The following PCDHGA7 variants were observed in gnomAD, a reference collection of about 807,000 sequenced individuals.
PCDHGA7 encodes protocadherin gamma-A7.
PCDHGA7 carries 44 observed loss-of-function variants against 58.3 expected under a neutral mutation model. That is an observed-to-expected ratio of 0.75 (90% confidence interval 0.59 to 0.97). The LOEUF is 0.97. Among genes scored for constraint, PCDHGA7 ranks in the 50% least tolerant of loss-of-function variants. The probability of loss-of-function intolerance (pLI) is 0.00; values close to 1 mark genes in which losing one functional copy is unlikely to be tolerated. For missense variants in PCDHGA7, 1,266 were observed against 1,188.7 expected, an observed-to-expected ratio of 1.06 and a Z score of -0.96; for synonymous variants, 516 against 504.2, an observed-to-expected ratio of 1.02 and a Z score of -0.31.
chr5:141,437,892 C>A (rs2097916583), intron 1 of PCDHGA7, among the ~76,000 whole-genome samples: 2 of 152,116 alleles, frequency 1.3e-5, no homozygotes, highest in Admixed American at 1.3e-4. Context: ...CACACGCCAC[C>A]ACACCCAGCT....
chr5:141,484,697 T>C (rs746981788), intron 1 of PCDHGA7, among the ~76,000 whole-genome samples: 11 of 151,988 alleles, frequency 7.2e-5, no homozygotes, highest in Non-Finnish European at 1.3e-4. Context: ...AGGCTGTGGC[T>C]GTTTTCCCCG....
intron 1 of PCDHGA7, chr5:141,388,422 C>T (rs68033444): frequency 0.056 from 89,796 of 1,613,752 alleles, 3,047 homozygotes; most frequent in African/African-American, 0.15. Flanking sequence ...TCATTTCTCA[C>T]TGATAAATAA....
chr5:141,422,910 C>T (rs756589496), intron 1 of PCDHGA7: 2 of 1,614,252 alleles, frequency 1.2e-6, no homozygotes, highest in South Asian at 1.1e-5. Context: ...ACAATGCGCC[C>T]GAGATCCTGT....
intron 2 of PCDHGA7, among the ~76,000 whole-genome samples, chr5:141,500,182 A>T (rs1050067271): frequency 4.6e-5 from 6 of 131,718 alleles, no homozygotes; most frequent in African/African-American, 1.9e-4. Context: ...CTTCATTTTT[A>T]TTTTTATTTA....
At position 141,384,693 on chromosome 5, in the gene PCDHGA7, A is replaced by G. The variant is rs1345115245; in HGVS notation, c.1794A>G (p.Ser598=). ...VTKVVAVDKD[S]GQNAWLSYLL... ...AGGTGGTGGCGGTGGACAAAGATTC[A>G]GGCCAGAACGCCTGGCTGTCATACC... Residue 598 remains serine (S), a synonymous_variant, in exon 1 of 4, where the codon TCA becomes TCG. Transcript: ENST00000518325. 5 of 1,614,042 alleles carry G rather than the reference A, an allele frequency of 3.1e-6. No individual in the cohort carries two copies. Among genetic ancestry groups the G allele is most frequent in the Non-Finnish European group, 4.2e-6 (5 of 1,180,002 alleles).
chr5:141,433,017 A>T, intron 1 of PCDHGA7: 1 of 1,614,124 alleles, frequency 6.2e-7, no homozygotes, highest in Non-Finnish European at 8.5e-7. Flanking sequence ...CTGCAGACCT[A>T]TTCCCACGAG....
rs768907590 is a variant in PCDHGA7, at chr5:141,422,045, G to C, written c.2424+36722G>C. Reference sequence around the variant, plus strand: ...GTTAATGCAACGGATCCAGACGAGGGAATCAACGGGGAAGTAATGTATTCA... The same window carrying C: ...GTTAATGCAACGGATCCAGACGAGGCAATCAACGGGGAAGTAATGTATTCA... On this transcript the variant is annotated intron_variant, in intron 1 of 3. Transcript: ENST00000518325. 1.5e-5 allele frequency: 24 copies of C among 1,611,434 alleles called. No individual in the cohort carries two copies. The Admixed American group carries it at 3.9e-4, about 26-fold the overall frequency.
chr5:141,400,561 A>G, intron 1 of PCDHGA7: 1 of 1,612,992 alleles, frequency 6.2e-7, no homozygotes, highest in Non-Finnish European at 8.5e-7. Flanking sequence ...TTCATTACCC[A>G]CCCAATTTTC....
At chr5:141,443,751 A>C (rs1372334547) in intron 1 of PCDHGA7, among the ~76,000 whole-genome samples, 3 of 152,230 alleles carry the variant, frequency 2.0e-5, no homozygotes, top group African/African-American at 7.2e-5. Context: ...GTGAATTGGA[A>C]GCTTACAATA....
At chr5:141,413,767 C>A in intron 1 of PCDHGA7, 1 of 1,612,972 alleles carries the variant, frequency 6.2e-7, no homozygotes, top group South Asian at 1.1e-5. Flanking sequence ...GTACCCGGAG[C>A]TGGTACTGGA....
rs375404779 is a variant in PCDHGA7 at position 141,419,760 on chromosome 5, A to T, written c.2424+34437A>T. 11 of 1,613,876 alleles carry T rather than the reference A, an allele frequency of 6.8e-6. No homozygotes were observed. The highest frequency in any genetic ancestry group is 9.3e-6 in the Non-Finnish European group (11 of 1,179,904). On this transcript the variant is annotated intron_variant, in intron 1 of 3. Coordinates refer to ENST00000518325, the MANE Select transcript of PCDHGA7 (RefSeq NM_018920.4). ...GTGCGCATGGTGCGTGCTTTGGGTG[A>T]CAAGGACTCGGTCCGCCAGCGCCTG...
intron 1 of PCDHGA7, chr5:141,484,855 G>T (rs1178318896): frequency 3.9e-6 from 1 of 257,336 alleles, no homozygotes; most frequent in East Asian, 8.3e-5. Context: ...GTTTTTTGGG[G>T]GGTGGGGGAG....
At chr5:141,438,548 C>T (rs1423036586) in intron 1 of PCDHGA7, among the ~76,000 whole-genome samples, 2 of 135,792 alleles carry the variant, frequency 1.5e-5, no homozygotes, top group Non-Finnish European at 3.1e-5. Context: ...ATATCTAAGC[C>T]CTAATAAGAG....
intron 1 of PCDHGA7, among the ~76,000 whole-genome samples, chr5:141,429,527 T>TA (rs1321273157): frequency 1.3e-5 from 2 of 152,038 alleles, no homozygotes; most frequent in African/African-American, 4.8e-5. Flanking sequence ...GAAAAAAGCT[T>TA]AAAAAAATAA....
chr5:141,499,174 C>T (rs930279867), intron 2 of PCDHGA7, among the ~76,000 whole-genome samples: 20 of 152,198 alleles, frequency 1.3e-4, no homozygotes, highest in Middle Eastern at 3.4e-3. Flanking sequence ...AGCTCTGAGC[C>T]CAGCAAACCA....
Position 141,491,094 on chromosome 5 carries a change from G to T in PCDHGA7, c.2425-3713G>T. ...TGCCACAGTCCACAGCCCCAGGACT[G>T]TTCCTCGTGTCTACACACACTGGTG... On this transcript the variant is annotated intron_variant, in intron 1 of 3. Transcript: ENST00000518325. This position sits in a 1 kb window ranked among gnomAD's most constrained non-coding sequence, Gnocchi z 6.9. The T allele has an allele frequency of 6.2e-7, 1 of 1,614,202 alleles. No homozygotes were observed. The highest frequency in any genetic ancestry group is 1.1e-5 in the South Asian group (1 of 91,086).
chr5:141,477,611 C>T lies in PCDHGA7; in HGVS notation c.2425-17196C>T. On this transcript the variant is annotated intron_variant, in intron 1 of 3. Coordinates refer to ENST00000518325, the MANE Select transcript of PCDHGA7 (RefSeq NM_018920.4). This position sits in a 1 kb window ranked among gnomAD's most constrained non-coding sequence, Gnocchi z 4.9. ...TCGGCTTTCTTTCTTTCTCTTGGAG[C>T]AAGGAGCTGAAACCGGGCTAGTGGG... is the stretch of plus-strand genomic sequence containing the variant. The T allele has an allele frequency of 6.2e-7, 1 of 1,614,188 alleles. No homozygotes were observed. The highest frequency in any genetic ancestry group is 8.5e-7 in the Non-Finnish European group (1 of 1,180,036).
At position 141,486,028 on chromosome 5, in the gene PCDHGA7, C is replaced by T; in HGVS notation, c.2425-8779C>T. On this transcript the variant is annotated intron_variant, in intron 1 of 3. Transcript: ENST00000518325. This position sits in a 1 kb window ranked among gnomAD's most constrained non-coding sequence, Gnocchi z 5.0. ...TCACCTTTTATTTCAGTGGTCATAC[C>T]CCTGATCGTGTAAGAAACCTCTTTA... The T allele has an allele frequency of 6.2e-7, 1 of 1,614,134 alleles. No individual in the cohort carries two copies. Among genetic ancestry groups the T allele is most frequent in the Non-Finnish European group, 8.5e-7 (1 of 1,180,020 alleles).
chr5:141,496,932 T>G (rs1336402833), intron 2 of PCDHGA7, among the ~76,000 whole-genome samples: 1 of 148,964 alleles, frequency 6.7e-6, no homozygotes, highest in Non-Finnish European at 1.5e-5. Context: ...ACGCCTGTAA[T>G]CCCAGCACTT....
Sources: allele counts gnomAD v4.1 joint callset (sites outside exome capture counted in the v4.1 genomes callset), GRCh38; gene constraint gnomAD v4.1.1; non-coding constraint Gnocchi (gnomAD v3.1); transcripts MANE v1.5; gene names NCBI Gene and HGNC (gene_info 2026-07-23, HGNC 2026-07-21).